The following PDCD2 variants were observed in gnomAD, a reference collection of about 807,000 sequenced individuals.
PDCD2 encodes programmed cell death 2.
Under a neutral mutation model 38.1 loss-of-function variants are expected in PDCD2, and 38 were observed. That is an observed-to-expected ratio of 1.00 (90% CI 0.77 to 1.31). The LOEUF is 1.31. Among genes scored for constraint, PDCD2 ranks in the 50% most tolerant of loss-of-function variants. The pLI, the probability that PDCD2 is intolerant of heterozygous loss-of-function variation, is 0.00. For missense variants in PDCD2, 473 were observed against 435.7 expected, an observed-to-expected ratio of 1.09 and a Z score of -0.76; for synonymous variants, 205 against 168.9, an observed-to-expected ratio of 1.21 and a Z score of -1.66.
intron 4 of PDCD2, chr6:170,579,208 A>G (rs1779527661): frequency 4.2e-6 from 2 of 477,026 alleles, no homozygotes; most frequent in South Asian, 3.4e-5. Context: ...TATCTCCCAG[A>G]TGATGCTTTT....
intron 1 of PDCD2, chr6:170,584,076 C>T: frequency 2.0e-6 from 1 of 495,272 alleles, no homozygotes; most frequent in Non-Finnish European, 3.4e-6. Context: ...TGATTAAAAG[C>T]TGGGGGTTAC....
intron 5 of PDCD2, 190 bp downstream of exon 5, chr6:170,578,667 G>GA: frequency 1.4e-6 from 1 of 704,160 alleles, no homozygotes; most frequent in Non-Finnish European, 2.6e-6. Context: ...CTAGGAAACA[G>GA]AAAAAAACAA....
intron 1 of PDCD2, 78 bp downstream of exon 1, chr6:170,584,221 C>T (rs1333075289): frequency 1.6e-6 from 2 of 1,288,992 alleles, no homozygotes; most frequent in Non-Finnish European, 2.0e-6. Flanking sequence ...TTGCCGCCGT[C>T]CCCCTGGTCG....
Position 170,583,486 on chromosome 6 carries a change from TAAAAA to T in PDCD2, c.526+14_526+18del. On this transcript the variant is annotated intron_variant, in intron 2 of 5. Transcript: ENST00000541970. ...AAGGCGATGAAACTGAACTGAGACT[TAAAAA>T]AAAGATTACCCACCTGGTTGTGCAC... The T allele has an allele frequency of 6.3e-7, 1 of 1,593,092 alleles. No individual in the cohort carries two copies. Among genetic ancestry groups the T allele is most frequent in the Non-Finnish European group, 8.6e-7 (1 of 1,166,058 alleles).
rs1236057946 is a variant in PDCD2, at chr6:170,576,374, A to G, written c.*1185T>C. 2.6e-5 allele frequency: 4 copies of G among 152,256 alleles called. No individual in the cohort carries two copies. Among genetic ancestry groups the G allele is most frequent in the African/African-American group, 9.6e-5 (4 of 41,470 alleles). The allele number at this position is 152,256 out of a possible 1,614,324, so 9.4% of individuals were successfully genotyped here. A position where few individuals can be genotyped will look rare whatever the true frequency, so the allele number is the denominator to read the frequency against. On this transcript the variant is annotated 3_prime_UTR_variant, in exon 6 of 6. Transcript: ENST00000541970. ...TGAAAACGTGAGGATTTATGGTGGC[A>G]ATGCATTTCAGTTAACAGGGATGTG...
At chr6:170,583,931 T>C (rs1779716028) in intron 1 of PDCD2, 184 bp from the exon 2 acceptor site, 2 of 610,542 alleles carry the variant, frequency 3.3e-6, no homozygotes, top group South Asian at 2.1e-5. Flanking sequence ...AGTTGCCTCC[T>C]AGAGGTGGTT....
At chr6:170,583,356 CTTT>C (rs370825740) in intron 2 of PDCD2, 146 bp downstream of exon 2, 430 of 790,214 alleles carry the variant, frequency 5.4e-4, no homozygotes, top group South Asian at 7.2e-4. Context: ...ACTTCACAGC[CTTT>C]TTTTTTTTTT....
chr6:170,580,709 C>T (rs542819954), intron 3 of PDCD2, among the ~76,000 whole-genome samples: 70 of 150,604 alleles, frequency 4.6e-4, no homozygotes, highest in African/African-American at 1.6e-3. Context: ...AGTGAGACTC[C>T]GTCTCAAAAA....
intron 3 of PDCD2, chr6:170,582,612 A>G: frequency 7.9e-7 from 1 of 1,266,954 alleles, no homozygotes; most frequent in Non-Finnish European, 1.0e-6. Context: ...CCTCTAAGAT[A>G]CTTGGTCAGC....
chr6:170,583,209 C>T (rs890891520), intron 2 of PDCD2, 21 bp from the exon 3 acceptor site: 1 of 1,481,710 alleles, frequency 6.7e-7, no homozygotes, highest in Non-Finnish European at 9.3e-7. Context: ...AAGGACAGCA[C>T]TATTAGTAAT....
At position 170,577,382 on chromosome 6, in the gene PDCD2, T is replaced by C. The variant is rs1779474145; in HGVS notation, c.*177A>G. 1.7e-6 allele frequency: 1 copy of C among 580,966 alleles called. No individual in the cohort carries two copies. The highest frequency in any genetic ancestry group is 3.0e-6 in the Non-Finnish European group (1 of 331,946). The allele number at this position is 580,966 out of a possible 1,614,324, so 36.0% of individuals were successfully genotyped here. A position where few individuals can be genotyped will look rare whatever the true frequency, so the allele number is the denominator to read the frequency against. On this transcript the variant is annotated 3_prime_UTR_variant, in exon 6 of 6. Transcript: ENST00000541970. ...TCCTCTGTGGATGTACCAAAATTTA[T>C]TTAATTCCCTGTCACTGGACACTTT... is the stretch of plus-strand genomic sequence containing the variant.
rs1779736226 is a variant in PDCD2, at chr6:170,584,332, A to G, written c.250T>C (p.Cys84Arg). 6.7e-7 allele frequency: 1 copy of G among 1,501,572 alleles called. No individual in the cohort carries two copies. Among genetic ancestry groups the G allele is most frequent in the Non-Finnish European group, 8.8e-7 (1 of 1,131,056 alleles). The allele number at this position is 1,501,572 out of a possible 1,614,324, so 93.0% of individuals were successfully genotyped here. ...CCGGCACAGCACGGCTGCTCGCGGC[A>G]GCAGAAGAGGAAGATGCAGCGGTGG... ...AFHRCIFLFC[C>R]REQPCCAGLR... is the part of the protein sequence containing the mutation. Residue 84 changes from cysteine (C) to arginine (R), a missense_variant, in exon 1 of 6, where the codon TGC becomes CGC. Transcript: ENST00000541970.
rs1231454593 is a variant in PDCD2 at position 170,577,668 on chromosome 6, C to T, written c.926G>A (p.Ser309Asn). 2.5e-6 allele frequency: 4 copies of T among 1,613,496 alleles called. No individual in the cohort carries two copies. Among genetic ancestry groups the T allele is most frequent in the Non-Finnish European group, 3.4e-6 (4 of 1,179,996 alleles). ...GACAGCCAGGATGCCCCAGTCAATG[C>T]TCTTGCCCAGTCTGTCAGCCTTCAG... is the stretch of plus-strand genomic sequence containing the variant. Reference protein sequence around the residue: ...NYLKADRLGKSIDWGILAVFT... With the variant: ...NYLKADRLGKNIDWGILAVFT... The change falls in exon 6 of 6, where the codon AGC (serine) becomes AAC (asparagine). Residue 309 changes from serine (S) to asparagine (N), a missense_variant. Physicochemically the swap from Ser to Asn is conservative, Grantham distance 46. Coordinates refer to ENST00000541970, the MANE Select transcript of PDCD2 (RefSeq NM_002598.4).
In PDCD2 at chr6:170,583,895, T is replaced by C. The variant is rs1779713731; in HGVS notation, c.284-148A>G. On this transcript the variant is annotated intron_variant, in intron 1 of 5. Transcript: ENST00000541970. ...GAATAAGCTTTTAAAATCCAGAAAC[T>C]AGATTTCGTCCGGTACACGCAACTG... is the stretch of plus-strand genomic sequence containing the variant. 6 of 717,682 alleles carry C rather than the reference T, an allele frequency of 8.4e-6. No homozygotes were observed. The South Asian group carries it at 1.2e-4, about 14-fold the overall frequency. 44.5% of individuals were successfully genotyped at this position (717,682 alleles called of 1,614,324 possible).
At chr6:170,582,844 A>G in intron 3 of PDCD2, 1 of 1,356,600 alleles carries the variant, frequency 7.4e-7, no homozygotes, top group East Asian at 2.8e-5. Context: ...CTGGATACCC[A>G]CCCTTGTCTT....
Position 170,584,289 on chromosome 6 carries a change from G to C in PDCD2, c.283+10C>G. The C allele has an allele frequency of 7.0e-7, 1 of 1,423,660 alleles. No individual in the cohort carries two copies. The allele number at this position is 1,423,660 out of a possible 1,614,324, so 88.2% of individuals were successfully genotyped here. On this transcript the variant is annotated intron_variant, in intron 1 of 5. Transcript: ENST00000541970. ...GCATGGCCCCGTCCCGACCCCGTTT[G>C]GCGGCTCACCTCGCAGGCCGGCACA...
At chr6:170,582,919 G>A in intron 3 of PDCD2, 138 bp downstream of exon 3, 1 of 1,488,058 alleles carries the variant, frequency 6.7e-7, no homozygotes, top group South Asian at 1.4e-5. Flanking sequence ...ATTTTTACCT[G>A]AGGCAATATC....
Position 170,583,867 on chromosome 6 carries a change from C to G in PDCD2, c.284-120G>C. ...AAAAAGAAATGAAAGTTTTTGCTTT[C>G]AGGAATAAGCTTTTAAAATCCAGAA... On this transcript the variant is annotated intron_variant, in intron 1 of 5. Transcript: ENST00000541970. 3 of 826,720 alleles carry G rather than the reference C, an allele frequency of 3.6e-6. No individual in the cohort carries two copies. The South Asian group carries it at 5.6e-5, about 15-fold the overall frequency. 51.2% of individuals were successfully genotyped at this position (826,720 alleles called of 1,614,324 possible).
At position 170,575,781 on chromosome 6, in the gene PDCD2, C is replaced by G. The variant is rs1779438207; in HGVS notation, c.*1778G>C. On this transcript the variant is annotated 3_prime_UTR_variant, in exon 6 of 6. Coordinates refer to ENST00000541970, the MANE Select transcript of PDCD2 (RefSeq NM_002598.4). ...TGTTACGATCATCTCCAGAGGTTAA[C>G]TGGAATATACACCAATGACAGCTTG... The G allele has an allele frequency of 6.6e-6, 1 of 152,172 alleles. No homozygotes were observed. Among genetic ancestry groups the G allele is most frequent in the East Asian group, 1.9e-4 (1 of 5,192 alleles). 9.4% of individuals were successfully genotyped at this position (152,172 alleles called of 1,614,324 possible).
Sources: gnomAD v4.1 joint callset for allele counts (sites outside exome capture counted in the v4.1 genomes callset) on GRCh38, gnomAD v4.1.1 for gene constraint, MANE v1.5 for transcripts, NCBI Gene and HGNC (gene_info 2026-07-23, HGNC 2026-07-21) for gene names.